Variants in GATAD2B observed in about 807,000 individuals in gnomAD.
The protein encoded by GATAD2B is transcriptional repressor p66-beta.
GATAD2B carries 8 observed loss-of-function variants against 64.3 expected under a neutral mutation model. The observed-to-expected ratio is 0.12, with a 90% CI of 0.07 to 0.22. The LOEUF (loss-of-function observed/expected upper bound fraction) is 0.22. Among genes scored for constraint, GATAD2B ranks in the 10% least tolerant of loss-of-function variants. The probability of loss-of-function intolerance (pLI) is 1.00; values close to 1 mark genes in which losing one functional copy is unlikely to be tolerated. For synonymous variants in GATAD2B, 281 were observed against 271.3 expected, an observed-to-expected ratio of 1.04 and a Z score of -0.35; for missense variants, 453 against 752.0, an observed-to-expected ratio of 0.60 and a Z score of 4.65.
At chr1:153,835,386 G>A (rs1461661183) in intron 1 of GATAD2B, among the ~76,000 whole-genome samples, 1 of 152,024 alleles carries the variant, frequency 6.6e-6, no homozygotes, top group Admixed American at 6.6e-5. Flanking sequence ...TTCATGAAAG[G>A]AGAGTCAATC....
intron 1 of GATAD2B, among the ~76,000 whole-genome samples, chr1:153,836,389 T>G (rs1675267257): frequency 6.6e-6 from 1 of 151,548 alleles, no homozygotes; most frequent in Non-Finnish European, 1.5e-5. Context: ...TAGCTGAGAT[T>G]ACAGGTGTTC....
At chr1:153,843,467 G>C (rs893704888) in intron 1 of GATAD2B, among the ~76,000 whole-genome samples, 3 of 152,118 alleles carry the variant, frequency 2.0e-5, no homozygotes, top group Non-Finnish European at 2.9e-5. Context: ...TAAAGATGGG[G>C]TTTTGTCATG....
At chr1:153,841,197 G>C (rs1009529165) in intron 1 of GATAD2B, among the ~76,000 whole-genome samples, 3 of 151,190 alleles carry the variant, frequency 2.0e-5, no homozygotes, top group Non-Finnish European at 4.4e-5. Context: ...CCTTTATCTA[G>C]TTTCCCCCAA....
chr1:153,818,317 T>TC (rs1460181883), intron 4 of GATAD2B, 146 bp from the exon 5 acceptor site: 2 of 337,176 alleles, frequency 5.9e-6, no homozygotes, highest in Admixed American at 1.0e-4. Context: ...AGGTTTTCTT[T>TC]TTTTTTTTTT....
At position 153,808,092 on chromosome 1, in the gene GATAD2B, C is replaced by A. The variant is rs896404887; in HGVS notation, c.*2085G>T. 7.9e-5 allele frequency: 12 copies of A among 152,074 alleles called. No individual in the cohort carries two copies. The highest frequency in any genetic ancestry group is 1.5e-4 in the Non-Finnish European group (10 of 67,982). The allele number at this position is 152,074 out of a possible 1,614,324, so 9.4% of individuals were successfully genotyped here. Reference sequence around the variant, plus strand: ...TATATATATAATTTTAAAATAATCCCAGACCCAGTTCCATTAACCCCCCTC... The same window carrying A: ...TATATATATAATTTTAAAATAATCCAAGACCCAGTTCCATTAACCCCCCTC... On this transcript the variant is annotated 3_prime_UTR_variant, in exon 11 of 11. Coordinates refer to ENST00000368655, the MANE Select transcript of GATAD2B (RefSeq NM_020699.4).
intron 1 of GATAD2B, among the ~76,000 whole-genome samples, chr1:153,889,899 C>T (rs553622125): frequency 9.2e-5 from 14 of 151,928 alleles, no homozygotes; most frequent in African/African-American, 2.9e-4. Flanking sequence ...GCCAGTGGGG[C>T]GCGGTGGCTC....
intron 1 of GATAD2B, among the ~76,000 whole-genome samples, chr1:153,833,390 T>C (rs1675145523): frequency 6.6e-6 from 1 of 151,970 alleles, no homozygotes; most frequent in Non-Finnish European, 1.5e-5. Flanking sequence ...TTACTGCTCA[T>C]TGACAATGCA....
At chr1:153,843,997 T>C (rs1280423446) in intron 1 of GATAD2B, among the ~76,000 whole-genome samples, 2 of 151,978 alleles carry the variant, frequency 1.3e-5, no homozygotes, top group Non-Finnish European at 2.9e-5. Flanking sequence ...GGGAGGGAGA[T>C]TGAGGCACAG....
At chr1:153,813,019 G>C (rs1674347241) in intron 8 of GATAD2B, among the ~76,000 whole-genome samples, 1 of 152,180 alleles carries the variant, frequency 6.6e-6, no homozygotes, top group South Asian at 2.1e-4. Context: ...CTATGGAAAA[G>C]CCAAGAGTCC....
chr1:153,894,877 G>A (rs1677535559), intron 1 of GATAD2B, among the ~76,000 whole-genome samples: 1 of 151,288 alleles, frequency 6.6e-6, no homozygotes, highest in African/African-American at 2.4e-5. Flanking sequence ...AACAAACAAA[G>A]GCTGGGCGAG....
chr1:153,882,593 T>C (rs560121884), intron 1 of GATAD2B, among the ~76,000 whole-genome samples: 1 of 150,338 alleles, frequency 6.7e-6, no homozygotes, highest in Non-Finnish European at 1.5e-5. Context: ...GTTATGTATA[T>C]TTTACTGCAA....
At chr1:153,877,905 A>G (rs1354206261) in intron 1 of GATAD2B, among the ~76,000 whole-genome samples, 3 of 149,296 alleles carry the variant, frequency 2.0e-5, no homozygotes, top group South Asian at 4.3e-4. Flanking sequence ...AAAAAAAAAA[A>G]GGGTAATTAT....
intron 1 of GATAD2B, among the ~76,000 whole-genome samples, chr1:153,920,937 A>G (rs1678411413): frequency 6.6e-6 from 1 of 152,210 alleles, no homozygotes; most frequent in Non-Finnish European, 1.5e-5. Flanking sequence ...TCCTTGACCC[A>G]GTCCATTCCC....
In GATAD2B at chr1:153,895,414, G is replaced by T. The variant is rs139940539; in HGVS notation, c.-2+27319C>A. ...TTGGCTTAATGCTGATGACAGTCAG[G>T]TACAAGAGGTACAGAACCAACCAGT... On this transcript the variant is annotated intron_variant, in intron 1 of 10. Transcript: ENST00000368655. Among the ~76,000 whole-genome samples the T allele has an allele frequency of 9.9e-5, 15 of 151,354 alleles. No individual in the cohort carries two copies. In the East Asian group the frequency reaches 2.2e-3, roughly 22 times the overall value.
At chr1:153,812,290 C>T (rs113662629) in intron 8 of GATAD2B, 158 bp from the exon 9 acceptor site, 4 of 582,988 alleles carry the variant, frequency 6.9e-6, no homozygotes, top group African/African-American at 3.8e-5. Context: ...TTAGCCTCCC[C>T]AAAGTGCTGG....
Position 153,912,991 on chromosome 1 carries a change from G to A in GATAD2B, c.-2+9742C>T, listed in dbSNP as rs1042845706. On this transcript the variant is annotated intron_variant, in intron 1 of 10. Transcript: ENST00000368655. ...ACCTCCCAGCTATACGGGAGACTGAGGCAGGAGAATTGCTTGAACCCGGGA... is the reference window on the plus strand; with the variant it reads ...ACCTCCCAGCTATACGGGAGACTGAAGCAGGAGAATTGCTTGAACCCGGGA... Among the ~76,000 whole-genome samples, 20 of 152,168 alleles carry A rather than the reference G, an allele frequency of 1.3e-4. 1 individual carries two copies.
rs529476523 is a variant in GATAD2B at position 153,807,585 on chromosome 1, A to C, written c.*2592T>G. On this transcript the variant is annotated 3_prime_UTR_variant, in exon 11 of 11. Coordinates refer to ENST00000368655, the MANE Select transcript of GATAD2B (RefSeq NM_020699.4). Reference sequence around the variant, plus strand: ...TATGTAACTGACCCTGAGGGGATAAAAACAGGGAAGATTCCACCATCTCCC... The same window carrying C: ...TATGTAACTGACCCTGAGGGGATAACAACAGGGAAGATTCCACCATCTCCC... The C allele has an allele frequency of 6.6e-6, 1 of 152,582 alleles. No individual in the cohort carries two copies. Among genetic ancestry groups the C allele is most frequent in the East Asian group, 1.9e-4 (1 of 5,192 alleles). The allele number at this position is 152,582 out of a possible 1,614,324, so 9.5% of individuals were successfully genotyped here.
intron 1 of GATAD2B, among the ~76,000 whole-genome samples, chr1:153,884,294 G>A (rs1557821446): frequency 6.6e-6 from 1 of 152,226 alleles, no homozygotes; most frequent in Non-Finnish European, 1.5e-5. Flanking sequence ...AAAAAAATTA[G>A]CCAGGCGTGG....
At chr1:153,840,381 A>C (rs1016994535) in intron 1 of GATAD2B, among the ~76,000 whole-genome samples, 2 of 149,194 alleles carry the variant, frequency 1.3e-5, no homozygotes, top group African/African-American at 4.9e-5. Flanking sequence ...CTTGTTGCCC[A>C]GGCTGGAGTG....
Sources: gnomAD v4.1 joint callset for allele counts (sites outside exome capture counted in the v4.1 genomes callset) on GRCh38, gnomAD v4.1.1 for gene constraint, MANE v1.5 for transcripts, NCBI Gene and HGNC (gene_info 2026-07-23, HGNC 2026-07-21) for gene names.